The following ZNF407 variants were observed in gnomAD, a reference collection of about 807,000 sequenced individuals.
ZNF407 encodes the protein zinc finger protein 407.
Under a neutral mutation model 131.2 loss-of-function variants are expected in ZNF407, and 17 were observed. That is an observed-to-expected ratio of 0.13 (90% CI 0.09 to 0.19). The LOEUF (loss-of-function observed/expected upper bound fraction) is 0.19. Ranked by LOEUF, ZNF407 falls within the 10% of genes least tolerant of loss-of-function variation. The probability of loss-of-function intolerance (pLI) is 1.00; values close to 1 mark genes in which losing one functional copy is unlikely to be tolerated. For missense variants in ZNF407, 2,681 were observed against 2,830.6 expected (o/e 0.95, Z 1.20); for synonymous variants, 1,156 against 1,062.0 (o/e 1.09, Z -1.72).
intron 4 of ZNF407, among the ~76,000 whole-genome samples, chr18:74,798,520 A>AT (rs1459962365): frequency 6.6e-6 from 1 of 152,156 alleles, no homozygotes; most frequent in African/African-American, 2.4e-5. Flanking sequence ...AAGAGGTTGA[A>AT]TTACAGAGGG....
At chr18:74,785,833 T>G (rs888240758) in intron 4 of ZNF407, among the ~76,000 whole-genome samples, 11 of 149,768 alleles carry the variant, frequency 7.3e-5, no homozygotes, top group Non-Finnish European at 1.5e-4. Context: ...CACATGTCAC[T>G]CACATGGCAT....
chr18:74,629,531 T>G (rs1031691002), intron 1 of ZNF407, among the ~76,000 whole-genome samples: 3 of 152,156 alleles, frequency 2.0e-5, no homozygotes, highest in Admixed American at 1.3e-4. Flanking sequence ...TGAAGCATAG[T>G]GTCTTTTGAA....
chr18:74,632,115 G>A lies in ZNF407; in HGVS notation c.1096G>A (p.Val366Ile). 1.2e-6 allele frequency: 2 copies of A among 1,613,972 alleles called. No homozygotes were observed. Among genetic ancestry groups the A allele is most frequent in the South Asian group, 1.1e-5 (1 of 91,080 alleles). ...GGAAGTAGAGATTGTTGAAGAACAT[G>A]TTACTTCCCTTGGTCTAGCTCAGAA... ...SQEVEIVEEHVTSLGLAQNPE... is the reference protein window; with the variant it reads ...SQEVEIVEEHITSLGLAQNPE... Residue 366 changes from valine to isoleucine, a missense_variant, in exon 2 of 9, where the codon GTT (valine) becomes ATT (isoleucine). This residue lies in a region of ZNF407 where 1,789 missense variants were observed against 1,748.7 expected (regional missense o/e 1.02). Transcript: ENST00000299687.
intron 8 of ZNF407, among the ~76,000 whole-genome samples, chr18:74,953,677 A>G (rs1017589465): frequency 6.6e-6 from 1 of 152,228 alleles, no homozygotes; most frequent in African/African-American, 2.4e-5. Flanking sequence ...TTAATTGAAA[A>G]TATGTAAATA....
chr18:74,688,978 G>A (rs376325547), intron 3 of ZNF407, among the ~76,000 whole-genome samples: 1 of 152,138 alleles, frequency 6.6e-6, no homozygotes, highest in African/African-American at 2.4e-5. Context: ...ACAGGCACCC[G>A]CCACCATGCC....
intron 1 of ZNF407, among the ~76,000 whole-genome samples, chr18:74,617,158 C>CACACCACACATATCCATATCCACACA (rs1983347148): frequency 4.2e-5 from 1 of 23,760 alleles, no homozygotes; most frequent in Non-Finnish European, 9.6e-5. Context: ...TCCATATCCA[C>CACACCACACATATCCATATCCACACA]GCACCACACA....
At chr18:74,792,374 C>A (rs1969842409) in intron 4 of ZNF407, among the ~76,000 whole-genome samples, 1 of 151,168 alleles carries the variant, frequency 6.6e-6, no homozygotes, top group Non-Finnish European at 1.5e-5. Context: ...ACAATAATTT[C>A]TCCTTTCATT....
chr18:74,883,784 A>T (rs969533685), intron 6 of ZNF407, among the ~76,000 whole-genome samples: 5 of 152,198 alleles, frequency 3.3e-5, no homozygotes, highest in African/African-American at 1.2e-4. Context: ...GGCTTTCCTT[A>T]TCAATGGGGC....
intron 7 of ZNF407, among the ~76,000 whole-genome samples, 168 bp downstream of exon 7, chr18:74,890,206 GT>G (rs1971365217): frequency 1.3e-5 from 2 of 152,184 alleles, no homozygotes; most frequent in African/African-American, 4.8e-5. Context: ...CTTTTTTAAA[GT>G]GGTTTCAGGT....
rs562249602 is a variant in ZNF407, at chr18:75,019,362, G to A, written c.5429-43788G>A. On this transcript the variant is annotated intron_variant, in intron 8 of 8. Coordinates refer to ENST00000299687, the MANE Select transcript of ZNF407 (RefSeq NM_017757.3). ...AGTGGCAATGCAAATTCAGCTGGCA[G>A]TGCGACTTGAAAGTGTGCGCAGTGG... 7.9e-5 allele frequency among the ~76,000 whole-genome samples: 12 copies of A among 152,306 alleles called. 1 individual carries two copies. The South Asian group carries it at 2.5e-3, about 32-fold the overall frequency.
Position 74,631,244 on chromosome 18 carries a change from C to G in ZNF407, c.225C>G (p.Arg75=). Residue 75 remains arginine (R), a synonymous_variant, in exon 2 of 9, where the codon CGC becomes CGG. Coordinates refer to ENST00000299687, the MANE Select transcript of ZNF407 (RefSeq NM_017757.3). The part of the protein sequence containing the change: ...GEDRNKHASK[R]RKLDEAEPLK... ...ACAGAAATAAACATGCTTCCAAACG[C>G]AGGAAATTAGATGAGGCAGAGCCCC... 1 of 1,613,834 alleles carries G rather than the reference C, an allele frequency of 6.2e-7. No homozygotes were observed.
At chr18:74,803,517 G>A (rs1285458511) in intron 4 of ZNF407, among the ~76,000 whole-genome samples, 1 of 152,180 alleles carries the variant, frequency 6.6e-6, no homozygotes, top group Admixed American at 6.5e-5. Flanking sequence ...TGTTGAGAAT[G>A]CATAGTGTTT....
intron 1 of ZNF407, among the ~76,000 whole-genome samples, chr18:74,623,126 C>T (rs1317617866): frequency 1.4e-5 from 2 of 142,992 alleles, no homozygotes; most frequent in Admixed American, 1.5e-4. Flanking sequence ...GTCAGTGTGA[C>T]TGTGTGTGTG....
chr18:74,928,056 G>C (rs1230310652), intron 8 of ZNF407, among the ~76,000 whole-genome samples: 4 of 152,164 alleles, frequency 2.6e-5, no homozygotes, highest in Non-Finnish European at 5.9e-5. Context: ...AGTGACCATG[G>C]CCTGTGACAC....
chr18:74,852,823 T>A (rs1970808366), intron 4 of ZNF407, among the ~76,000 whole-genome samples: 1 of 152,166 alleles, frequency 6.6e-6, no homozygotes, highest in Admixed American at 6.5e-5. Context: ...TTTTTCAAGG[T>A]TTGTGATGTG....
intron 7 of ZNF407, chr18:74,898,220 C>T (rs771508752): frequency 7.9e-5 from 12 of 152,132 alleles, no homozygotes; most frequent in Non-Finnish European, 1.6e-4. Flanking sequence ...TGTGTGGTAG[C>T]ATTTATTGTG....
intron 1 of ZNF407, among the ~76,000 whole-genome samples, chr18:74,600,420 T>C (rs1296215559): frequency 6.6e-6 from 1 of 152,068 alleles, no homozygotes; most frequent in Non-Finnish European, 1.5e-5. Flanking sequence ...CACTGAAAAA[T>C]CTCTTATTGC....
intron 8 of ZNF407, among the ~76,000 whole-genome samples, chr18:74,954,763 G>A (rs1599261924): frequency 6.6e-6 from 1 of 152,172 alleles, no homozygotes; most frequent in African/African-American, 2.4e-5. Context: ...CCAATCCAAT[G>A]TCTAACCTTA....
rs1307047956 is a variant in ZNF407, at chr18:75,064,316, C to T, written c.6595C>T (p.Leu2199Phe). 3 of 1,600,198 alleles carry T rather than the reference C, an allele frequency of 1.9e-6. No individual in the cohort carries two copies. Among genetic ancestry groups the T allele is most frequent in the African/African-American group, 2.7e-5 (2 of 74,866 alleles). The change falls in exon 9 of 9, where the codon CTC becomes TTC. Residue 2199 changes from leucine (L) to phenylalanine (F), a missense_variant. By Grantham distance (22) the Leu-to-Phe change is conservative. Around this residue, in one of 6 missense-constraint regions of ZNF407, gnomAD observed 620 missense variants for 583.1 expected, o/e 1.06. Coordinates refer to ENST00000299687, the MANE Select transcript of ZNF407 (RefSeq NM_017757.3). ...GCTGGAGACTGCGGACTCGCAGGAA[C>T]TCCTGCAGGCCGGGGCCACGCTAGG... is the stretch of plus-strand genomic sequence containing the variant. ...TVLETADSQE[L>F]LQAGATLGTE...
Sources: allele counts gnomAD v4.1 joint callset (sites outside exome capture counted in the v4.1 genomes callset), GRCh38; gene constraint gnomAD v4.1.1; regional missense constraint gnomAD v4.1.1; transcripts MANE v1.5; gene names NCBI Gene and HGNC (gene_info 2026-07-23, HGNC 2026-07-21).